WWOX: variants seen among roughly 807,000 people sequenced by gnomAD.
The protein encoded by WWOX is WW domain containing oxidoreductase.
In WWOX, 69 loss-of-function variants were observed where a neutral mutation model predicts 46.2. The observed-to-expected ratio is 1.49, with a 90% confidence interval of 1.23 to 1.82. WWOX has a LOEUF of 1.82. Among genes scored for constraint, WWOX ranks in the 40% most tolerant of loss-of-function variants. WWOX has a pLI of 0.00. For synonymous variants in WWOX, 359 were observed against 202.6 expected (o/e 1.77, Z -6.56); for missense variants, 919 against 542.6 (o/e 1.69, Z -6.89).
intron 5 of WWOX, among the ~76,000 whole-genome samples, chr16:78,323,458 G>T (rs1034903887): frequency 6.6e-6 from 1 of 151,950 alleles, no homozygotes; most frequent in Non-Finnish European, 1.5e-5. Context: ...CTCAGTTAAT[G>T]ATAAATTGTT....
intron 8 of WWOX, among the ~76,000 whole-genome samples, chr16:78,628,305 G>T (rs982172030): frequency 1.3e-5 from 2 of 152,102 alleles, no homozygotes; most frequent in African/African-American, 2.4e-5. Flanking sequence ...TTTCTTTTCA[G>T]TTCAGTGTTT....
At chr16:78,335,902 G>A (rs1459500078) in intron 5 of WWOX, among the ~76,000 whole-genome samples, 1 of 152,116 alleles carries the variant, frequency 6.6e-6, no homozygotes, top group Non-Finnish European at 1.5e-5. Context: ...GACCAGCCTT[G>A]CCAACATGGT....
chr16:78,544,003 C>G (rs757041198), intron 8 of WWOX, among the ~76,000 whole-genome samples: 1 of 152,172 alleles, frequency 6.6e-6, no homozygotes, highest in Non-Finnish European at 1.5e-5. Flanking sequence ...GATAGACTTA[C>G]ATCCCTCAGT....
chr16:78,386,351 G>C (rs889872939), intron 5 of WWOX, among the ~76,000 whole-genome samples: 1 of 152,084 alleles, frequency 6.6e-6, no homozygotes, highest in Non-Finnish European at 1.5e-5. Context: ...ATCGAGGTCC[G>C]TCAGAATCCA....
At chr16:78,566,370 G>T (rs868349809) in intron 8 of WWOX, among the ~76,000 whole-genome samples, 1 of 152,144 alleles carries the variant, frequency 6.6e-6, no homozygotes, top group South Asian at 2.1e-4. Flanking sequence ...AAAATAGCAA[G>T]TATAGTAGTG....
At chr16:78,127,837 G>C (rs781157391) in intron 4 of WWOX, among the ~76,000 whole-genome samples, 9 of 152,116 alleles carry the variant, frequency 5.9e-5, no homozygotes, top group Non-Finnish European at 8.8e-5. Flanking sequence ...CAGTTTTATT[G>C]GCGTCTACTG....
At chr16:78,323,593 C>G (rs1020057357) in intron 5 of WWOX, among the ~76,000 whole-genome samples, 1 of 152,160 alleles carries the variant, frequency 6.6e-6, no homozygotes, top group African/African-American at 2.4e-5. Context: ...GAGCTGTCCT[C>G]TAAGTGAATC....
At chr16:79,008,547 G>T (rs547958877) in intron 8 of WWOX, among the ~76,000 whole-genome samples, 3 of 151,668 alleles carry the variant, frequency 2.0e-5, no homozygotes, top group Non-Finnish European at 2.9e-5. Context: ...CTTGAATCCT[G>T]ACTACCATAG....
intron 8 of WWOX, among the ~76,000 whole-genome samples, chr16:78,514,851 C>G (rs767719441): frequency 1.3e-5 from 2 of 152,130 alleles, no homozygotes; most frequent in East Asian, 1.9e-4. Context: ...GTGCCACTCA[C>G]TATTTGAGTG....
chr16:78,782,841 G>A (rs1292216673), intron 8 of WWOX, among the ~76,000 whole-genome samples: 2 of 152,066 alleles, frequency 1.3e-5, no homozygotes, highest in Non-Finnish European at 2.9e-5. Context: ...CACTAAGAGT[G>A]CGAAGAACAT....
chr16:78,600,935 C>G (rs3866636), intron 8 of WWOX, among the ~76,000 whole-genome samples: 1 of 152,130 alleles, frequency 6.6e-6, no homozygotes, highest in Admixed American at 6.5e-5. Flanking sequence ...GCATCTGTAG[C>G]TTTGGAGGTA....
chr16:78,556,582 C>T (rs533619758), intron 8 of WWOX, among the ~76,000 whole-genome samples: 13 of 152,200 alleles, frequency 8.5e-5, no homozygotes, highest in South Asian at 2.1e-4. Context: ...GACCGGCGTG[C>T]GGTGAGTTGC....
intron 8 of WWOX, among the ~76,000 whole-genome samples, chr16:78,939,142 C>A (rs1567662877): frequency 6.6e-6 from 1 of 152,172 alleles, no homozygotes; most frequent in Non-Finnish European, 1.5e-5. Flanking sequence ...GGCTCGAAGT[C>A]ACGTCCATGT....
chr16:78,827,264 G>C (rs2051683397), intron 8 of WWOX, among the ~76,000 whole-genome samples: 2 of 152,188 alleles, frequency 1.3e-5, no homozygotes, highest in African/African-American at 4.8e-5. Flanking sequence ...CACTGTCCAA[G>C]TGCTGGGCTC....
At chr16:79,036,686 A>G (rs970638678) in intron 8 of WWOX, among the ~76,000 whole-genome samples, 7 of 152,226 alleles carry the variant, frequency 4.6e-5, no homozygotes, top group Admixed American at 1.3e-4. Context: ...CTGTACCTGC[A>G]CTTGATTGAA....
intron 5 of WWOX, among the ~76,000 whole-genome samples, chr16:78,361,961 C>A (rs1446090014): frequency 2.4e-5 from 3 of 123,478 alleles, no homozygotes; most frequent in African/African-American, 9.5e-5. Flanking sequence ...CGTAGATTCA[C>A]AGGTATTTCC....
intron 8 of WWOX, among the ~76,000 whole-genome samples, chr16:78,447,386 A>G (rs1021777451): frequency 1.3e-4 from 20 of 152,244 alleles, no homozygotes; most frequent in African/African-American, 3.6e-4. Context: ...TACATCCTGC[A>G]GAAGTTTAAG....
At chr16:78,124,873 C>A (rs1328699091) in intron 4 of WWOX, among the ~76,000 whole-genome samples, 1 of 152,142 alleles carries the variant, frequency 6.6e-6, no homozygotes, top group Non-Finnish European at 1.5e-5. Flanking sequence ...AAGAGGAGAT[C>A]TGAGACAGAG....
chr16:78,635,651 C>A (rs1008711928), intron 8 of WWOX, among the ~76,000 whole-genome samples: 1 of 152,170 alleles, frequency 6.6e-6, no homozygotes, highest in Non-Finnish European at 1.5e-5. Context: ...AAATGCTTGA[C>A]CAGCATTCAC....
Sources: allele counts gnomAD v4.1 joint callset (sites outside exome capture counted in the v4.1 genomes callset), GRCh38; gene constraint gnomAD v4.1.1; transcripts MANE v1.5; gene names NCBI Gene and HGNC (gene_info 2026-07-23, HGNC 2026-07-21).